COL16A1: variants seen among roughly 807,000 people sequenced by gnomAD.
COL16A1 encodes the protein collagen type XVI alpha 1 chain.
In COL16A1, 189 loss-of-function variants were observed where a neutral mutation model predicts 266.3. That is an observed-to-expected ratio of 0.71 (90% CI 0.63 to 0.80). The LOEUF (loss-of-function observed/expected upper bound fraction) is 0.80. Among genes scored for constraint, COL16A1 ranks in the 30% least tolerant of loss-of-function variants. COL16A1 has a pLI of 0.00. For synonymous variants in COL16A1, 740 were observed against 782.3 expected, an observed-to-expected ratio of 0.95 and a Z score of 0.90; for missense variants, 1,928 against 2,122.4, an observed-to-expected ratio of 0.91 and a Z score of 1.80.
At chr1:31,662,926 G>C in intron 56 of COL16A1, 1 of 561,850 alleles carries the variant, frequency 1.8e-6, no homozygotes, top group East Asian at 3.0e-5. Context: ...TGACCCAGGG[G>C]CTGGCATGGC....
At chr1:31,661,996 G>A (rs1391458956) in intron 58 of COL16A1, among the ~76,000 whole-genome samples, 4 of 152,208 alleles carry the variant, frequency 2.6e-5, no homozygotes, top group Non-Finnish European at 4.4e-5. Context: ...GCCAGGGCTT[G>A]CTCAAGTCCT....
intron 66 of COL16A1, 124 bp from the exon 67 acceptor site, chr1:31,655,626 G>A: frequency 6.7e-7 from 1 of 1,497,304 alleles, no homozygotes; most frequent in Non-Finnish European, 9.0e-7. Context: ...ACAGCATCCT[G>A]ACAGGTCACT....
At position 31,684,856 on chromosome 1, in the gene COL16A1, C is replaced by T. The variant is rs1643893968; in HGVS notation, c.2017G>A (p.Gly673Ser). 2 of 1,613,834 alleles carry T rather than the reference C, an allele frequency of 1.2e-6. No homozygotes were observed. The highest frequency in any genetic ancestry group is 1.7e-6 in the Non-Finnish European group (2 of 1,180,032). ...PPGFGLPGKQ[G>S]KAGERGLKGQ... ...TTCAGTCCACGCTCTCCAGCCTTGC[C>T]CTGAGGAGAAAGCATTTCCAGCACC... The change falls in exon 30 of 71, where the codon GGC (glycine) becomes AGC (serine). Residue 673 changes from glycine to serine, a missense_variant and splice_region_variant. Physicochemically the swap from Gly to Ser is moderately conservative, Grantham distance 56 (BLOSUM62 0). This residue lies in a region of COL16A1 where 1,552 missense variants were observed against 1,637.2 expected (regional missense o/e 0.95). Transcript: ENST00000373672.
intron 47 of COL16A1, among the ~76,000 whole-genome samples, 184 bp from the exon 48 acceptor site, chr1:31,671,843 C>T (rs552845354): frequency 9.5e-4 from 145 of 152,326 alleles, no homozygotes; most frequent in African/African-American, 3.3e-3. Flanking sequence ...ATCCTACAAA[C>T]ATTTAACAAG....
rs1411041653 is a variant in COL16A1 at position 31,661,675 on chromosome 1, T to C, written c.3711A>G (p.Gly1237=). The C allele has an allele frequency of 1.2e-6, 2 of 1,606,052 alleles. No homozygotes were observed. The highest frequency in any genetic ancestry group is 4.5e-5 in the East Asian group (2 of 44,868). The part of the protein sequence containing the change: ...RGDPGPAGPP[G]LMGPPGFKGK... Reference sequence around the variant, plus strand: ...CTCAACTTACCGGTGGTCCCATGAGTCCAGGGGGGCCAGCAGGACCAGGGT... The same window carrying C: ...CTCAACTTACCGGTGGTCCCATGAGCCCAGGGGGGCCAGCAGGACCAGGGT... The change falls in exon 59 of 71, where the codon GGA becomes GGG. Residue 1237 remains glycine, a synonymous_variant. Transcript: ENST00000373672.
In COL16A1 at chr1:31,663,952, C is replaced by T. The variant is rs1206876877; in HGVS notation, c.3555+1220G>A. Among the ~76,000 whole-genome samples, 4 of 152,148 alleles carry T rather than the reference C, an allele frequency of 2.6e-5. No individual in the cohort carries two copies. The highest frequency in any genetic ancestry group is 5.9e-5 in the Non-Finnish European group (4 of 68,024). The stretch of plus-strand genomic sequence containing the variant: ...CTGTAGGGTGGTCAAGGGAAGGAAT[C>T]CCGCTAGAGAGACCCAGCAAAGGGG... On this transcript the variant is annotated intron_variant, in intron 56 of 70. Coordinates refer to ENST00000373672, the MANE Select transcript of COL16A1 (RefSeq NM_001856.4). This position sits in a 1 kb window ranked among gnomAD's most constrained non-coding sequence, Gnocchi z 4.9.
In COL16A1 at chr1:31,668,694, T is replaced by C; in HGVS notation, c.3249+108A>G. 2.5e-6 allele frequency: 3 copies of C among 1,198,024 alleles called. No individual in the cohort carries two copies. Among genetic ancestry groups the C allele is most frequent in the Non-Finnish European group, 3.7e-6 (3 of 809,648 alleles). 74.2% of individuals were successfully genotyped at this position (1,198,024 alleles called of 1,614,324 possible). A position where few individuals can be genotyped will look rare whatever the true frequency, so the allele number is the denominator to read the frequency against. Reference sequence around the variant, plus strand: ...CAGAAGGGCAGAGAGTCTCAAGGAGTCCACCTCCCAGCTTCCACTCAGCAG... The same window carrying C: ...CAGAAGGGCAGAGAGTCTCAAGGAGCCCACCTCCCAGCTTCCACTCAGCAG... On this transcript the variant is annotated intron_variant, in intron 50 of 70. Transcript: ENST00000373672. The surrounding 1 kb of genome is among the most constrained non-coding windows in gnomAD (Gnocchi z 5.8).
intron 23 of COL16A1, 34 bp from the exon 24 acceptor site, chr1:31,689,119 G>C: frequency 6.2e-7 from 1 of 1,612,688 alleles, no homozygotes; most frequent in East Asian, 2.2e-5. Flanking sequence ...GCTGAGGCAG[G>C]GCACGATGGG....
At chr1:31,673,486 C>G (rs1642916285) in intron 44 of COL16A1, among the ~76,000 whole-genome samples, 1 of 152,186 alleles carries the variant, frequency 6.6e-6, no homozygotes, top group South Asian at 2.1e-4. Flanking sequence ...AGCCCGGAGC[C>G]TGTTTGTGGC....
chr1:31,655,261 C>A, intron 67 of COL16A1, 53 bp downstream of exon 67: 1 of 1,563,052 alleles, frequency 6.4e-7, no homozygotes, highest in Non-Finnish European at 8.6e-7. Flanking sequence ...GAGCTCCACC[C>A]CACATGCCTG....
intron 4 of COL16A1, among the ~76,000 whole-genome samples, chr1:31,699,606 C>T (rs76019639): frequency 0.027 from 4,086 of 152,310 alleles, 191 homozygotes; most frequent in African/African-American, 0.093. Flanking sequence ...TGGCCAGAGA[C>T]AGGGGAAAGA....
Position 31,662,676 on chromosome 1 carries a change from C to CA in COL16A1, c.3556-19_3556-18insT. 1 of 983,226 alleles carries CA rather than the reference C, an allele frequency of 1.0e-6. No individual in the cohort carries two copies. Among genetic ancestry groups the CA allele is most frequent in the East Asian group, 2.8e-5 (1 of 35,418 alleles). 60.9% of individuals were successfully genotyped at this position (983,226 alleles called of 1,614,324 possible). ...TCGCTGCCCTGGAAACCAGCGCCGC[C>CA]CCCCCCCCCCGCCCCACAATAAAGT... On this transcript the variant is annotated intron_variant, in intron 56 of 70. Coordinates refer to ENST00000373672, the MANE Select transcript of COL16A1 (RefSeq NM_001856.4).
chr1:31,675,665 T>C (rs933028514), intron 42 of COL16A1, among the ~76,000 whole-genome samples: 2 of 152,196 alleles, frequency 1.3e-5, no homozygotes, highest in Non-Finnish European at 2.9e-5. Flanking sequence ...CTTTTCTTTT[T>C]TCTTTTTTTC....
At position 31,663,391 on chromosome 1, in the gene COL16A1, G is replaced by A. The variant is rs1160830423; in HGVS notation, c.3556-733C>T. The A allele has an allele frequency of 6.6e-6, 1 of 152,366 alleles. No individual in the cohort carries two copies. The highest frequency in any genetic ancestry group is 1.5e-5 in the Non-Finnish European group (1 of 68,158). 9.4% of individuals were successfully genotyped at this position (152,366 alleles called of 1,614,324 possible). On this transcript the variant is annotated intron_variant, in intron 56 of 70. Transcript: ENST00000373672. This position sits in a 1 kb window ranked among gnomAD's most constrained non-coding sequence, Gnocchi z 4.9. The stretch of plus-strand genomic sequence containing the variant: ...AAAGTGCATGCCAGAGGGAACCTAA[G>A]AGAAGGATAAAGACTTGCAAGTGGG...
Position 31,690,554 on chromosome 1 carries a change from C to T in COL16A1, c.1457G>A (p.Gly486Glu). ...AGGTTTCCCACCAGGGCCTTCCTTT[C>T]CTGGGATCCCCGAGCTGCCCTGTGG... is the stretch of plus-strand genomic sequence containing the variant. ...KGDKGSSGIP[G>E]KEGPGGKPGK... Residue 486 changes from glycine to glutamate, a missense_variant, in exon 21 of 71, where the codon GGA becomes GAA. By Grantham distance (98) the Gly-to-Glu change is moderately conservative. Around this residue, in one of 2 missense-constraint regions of COL16A1, gnomAD observed 1,552 missense variants for 1,637.2 expected, o/e 0.95. Transcript: ENST00000373672. 6.2e-7 allele frequency: 1 copy of T among 1,613,888 alleles called. No homozygotes were observed. Among genetic ancestry groups the T allele is most frequent in the South Asian group, 1.1e-5 (1 of 91,070 alleles).
intron 2 of COL16A1, among the ~76,000 whole-genome samples, chr1:31,700,764 T>A (rs1644695605): frequency 6.6e-6 from 1 of 152,122 alleles, no homozygotes; most frequent in South Asian, 2.1e-4. Flanking sequence ...TTTACCTGAA[T>A]AACCACCTTG....
chr1:31,684,493 C>T (rs762061786), intron 31 of COL16A1, 30 bp downstream of exon 31: 1 of 1,598,944 alleles, frequency 6.3e-7, no homozygotes, highest in South Asian at 1.1e-5. Context: ...GCAACAAACT[C>T]CCCGACCCCA....
At chr1:31,696,761 G>A (rs143266800) in intron 8 of COL16A1, among the ~76,000 whole-genome samples, 1 of 152,354 alleles carries the variant, frequency 6.6e-6, no homozygotes, top group East Asian at 1.9e-4. Flanking sequence ...GGTGGGCACA[G>A]GGCCACCCAG....
Position 31,663,710 on chromosome 1 carries a change from T to G in COL16A1, c.3556-1052A>C, listed in dbSNP as rs955254784. ...TATAGATTGAGGTTTTTACATTTGCTTTTATGTGATAAAAAGACTCTGGGA... is the reference window on the plus strand; with the variant it reads ...TATAGATTGAGGTTTTTACATTTGCGTTTATGTGATAAAAAGACTCTGGGA... On this transcript the variant is annotated intron_variant, in intron 56 of 70. Coordinates refer to ENST00000373672, the MANE Select transcript of COL16A1 (RefSeq NM_001856.4). This position sits in a 1 kb window ranked among gnomAD's most constrained non-coding sequence, Gnocchi z 4.9. Among the ~76,000 whole-genome samples, 2 of 152,222 alleles carry G rather than the reference T, an allele frequency of 1.3e-5. No individual in the cohort carries two copies. Among genetic ancestry groups the G allele is most frequent in the Non-Finnish European group, 2.9e-5 (2 of 68,038 alleles).
Sources: gnomAD v4.1 joint callset for allele counts (sites outside exome capture counted in the v4.1 genomes callset) on GRCh38, gnomAD v4.1.1 for gene constraint, gnomAD v4.1.1 regional missense constraint, Gnocchi (gnomAD v3.1) non-coding constraint, MANE v1.5 for transcripts, NCBI Gene and HGNC (gene_info 2026-07-23, HGNC 2026-07-21) for gene names.